SAMHD1: variants seen among roughly 807,000 people sequenced by gnomAD.
The protein encoded by SAMHD1 is SAM and HD domain containing deoxynucleoside triphosphate triphosphohydrolase 1, also known as deoxynucleoside triphosphate triphosphohydrolase SAMHD1.
In SAMHD1, 54 loss-of-function variants were observed where a neutral mutation model predicts 79.6. The observed-to-expected ratio is 0.68, with a 90% CI of 0.55 to 0.85. The LOEUF (loss-of-function observed/expected upper bound fraction) is 0.85, where lower values mean the gene tolerates loss of function less well. Among genes scored for constraint, SAMHD1 ranks in the 40% least tolerant of loss-of-function variants. The probability of loss-of-function intolerance (pLI) is 0.00; values close to 1 mark genes in which losing one functional copy is unlikely to be tolerated. For missense variants in SAMHD1, 663 were observed against 782.7 expected (o/e 0.85, Z 1.82); for synonymous variants, 260 against 264.1 (o/e 0.98, Z 0.15).
At chr20:36,936,789 A>C (rs1293865917) in intron 3 of SAMHD1, among the ~76,000 whole-genome samples, 2 of 151,894 alleles carry the variant, frequency 1.3e-5, no homozygotes, top group African/African-American at 2.4e-5. Flanking sequence ...CTCCCACCTC[A>C]GCCTCCCAAG....
intron 11 of SAMHD1, among the ~76,000 whole-genome samples, chr20:36,907,539 C>CTTTTT (rs71186087): frequency 2.4e-5 from 3 of 125,860 alleles, no homozygotes; most frequent in African/African-American, 6.0e-5. Flanking sequence ...ATAAAGATGA[C>CTTTTT]TTTTTTTTTT....
chr20:36,914,737 C>T (rs773177493), intron 9 of SAMHD1, among the ~76,000 whole-genome samples: 4 of 151,170 alleles, frequency 2.6e-5, no homozygotes, highest in Non-Finnish European at 5.9e-5. Context: ...TGGGGCGTGG[C>T]GGCTCACACA....
At chr20:36,896,847 GAATT>G (rs948160242) in intron 15 of SAMHD1, among the ~76,000 whole-genome samples, 17 of 145,828 alleles carry the variant, frequency 1.2e-4, no homozygotes, top group African/African-American at 2.3e-4. Flanking sequence ...AAAAATGAAT[GAATT>G]AATTAATTAA....
chr20:36,898,805 G>T (rs1046489922), intron 13 of SAMHD1, among the ~76,000 whole-genome samples: 1 of 151,576 alleles, frequency 6.6e-6, no homozygotes, highest in African/African-American at 2.4e-5. Flanking sequence ...CCAGTTACTC[G>T]GGAGACTGAG....
intron 12 of SAMHD1, chr20:36,904,876 A>T (rs191416782): frequency 5.5e-6 from 1 of 182,256 alleles, no homozygotes; most frequent in African/African-American, 2.4e-5. Context: ...GCAAACAGAA[A>T]ACTCTTCAAC....
chr20:36,921,392 C>CAAAA (rs34384942), intron 6 of SAMHD1, among the ~76,000 whole-genome samples: 41 of 54,966 alleles, frequency 7.5e-4, no homozygotes, highest in East Asian at 2.3e-3. Flanking sequence ...GACTCTGTCT[C>CAAAA]AAAAAAAAAA....
chr20:36,933,744 G>T (rs1182670753), intron 4 of SAMHD1, among the ~76,000 whole-genome samples: 5 of 151,988 alleles, frequency 3.3e-5, no homozygotes, highest in Non-Finnish European at 7.4e-5. Flanking sequence ...GCCTGCCCCG[G>T]CCTCCCAAAG....
At chr20:36,924,456 G>C (rs2063525177) in intron 6 of SAMHD1, among the ~76,000 whole-genome samples, 1 of 152,082 alleles carries the variant, frequency 6.6e-6, no homozygotes, top group Non-Finnish European at 1.5e-5. Context: ...AAATCAGGAG[G>C]AGGAGGTGAT....
At chr20:36,908,742 G>A (rs2063419819) in intron 11 of SAMHD1, among the ~76,000 whole-genome samples, 1 of 152,080 alleles carries the variant, frequency 6.6e-6, no homozygotes, top group Non-Finnish European at 1.5e-5. Flanking sequence ...CAGTTTAGGA[G>A]GAGCTAGTTT....
rs752442185 is a variant in SAMHD1, at chr20:36,935,138, G to C, written c.400C>G (p.Arg134Gly). Residue 134 changes from arginine (R) to glycine (G), a missense_variant, in exon 4 of 16, where the codon CGA becomes GGA. Arg to Gly is a moderately radical substitution (Grantham distance 125, BLOSUM62 -2). Transcript: ENST00000646673. ...GHIELHPLLV[R>G]IIDTPQFQRL... ...TGAAATTGAGGTGTATCAATGATTCGGACGAGGAGAGGGTGGAGCTCAATG... is the reference window on the plus strand; with the variant it reads ...TGAAATTGAGGTGTATCAATGATTCCGACGAGGAGAGGGTGGAGCTCAATG... 1.9e-6 allele frequency: 3 copies of C among 1,613,680 alleles called. No individual in the cohort carries two copies. Among genetic ancestry groups the C allele is most frequent in the Non-Finnish European group, 2.5e-6 (3 of 1,179,610 alleles).
At chr20:36,931,883 G>T (rs1485572431) in intron 4 of SAMHD1, among the ~76,000 whole-genome samples, 1 of 152,048 alleles carries the variant, frequency 6.6e-6, no homozygotes, top group African/African-American at 2.4e-5. Flanking sequence ...CAACATAGAT[G>T]AACTTTGAGG....
chr20:36,920,540 G>A (rs1407798784), intron 6 of SAMHD1, among the ~76,000 whole-genome samples: 1 of 151,842 alleles, frequency 6.6e-6, no homozygotes, highest in African/African-American at 2.4e-5. Context: ...GCCGAGGTGG[G>A]CGGATCACTT....
At chr20:36,913,582 GACAGAGCAAGACT>G (rs1472769596) in intron 9 of SAMHD1, among the ~76,000 whole-genome samples, 3 of 148,526 alleles carry the variant, frequency 2.0e-5, no homozygotes, top group Admixed American at 1.3e-4. Context: ...CAGTCTGGGT[GACAGAGCAAGACT>G]CCAACTCAAA....
In SAMHD1 at chr20:36,891,617, G is replaced by T. The variant is rs770194723; in HGVS notation, c.*1315C>A. The T allele has an allele frequency of 6.6e-6, 1 of 152,288 alleles. No individual in the cohort carries two copies. The highest frequency in any genetic ancestry group is 1.5e-5 in the Non-Finnish European group (1 of 68,084). 9.4% of individuals were successfully genotyped at this position (152,288 alleles called of 1,614,324 possible). A position where few individuals can be genotyped will look rare whatever the true frequency, so the allele number is the denominator to read the frequency against. On this transcript the variant is annotated 3_prime_UTR_variant, in exon 16 of 16. Coordinates refer to ENST00000646673, the MANE Select transcript of SAMHD1 (RefSeq NM_015474.4). ...AAGGTGGTGCCCACTCCACTGCTGG[G>T]AAAACGAAGTTACCTAGCGGAGCCT...
rs377148041 is a variant in SAMHD1 at position 36,921,699 on chromosome 20, GGTT to G, written c.697-2183_697-2181del. On this transcript the variant is annotated intron_variant, in intron 6 of 15. Transcript: ENST00000646673. ...CCACCACACCCAGCTAATTTTTTGT[GGTT>G]GTTTTTTTTTTTTTTCCCTCTTGTT... Among the ~76,000 whole-genome samples, 31 of 149,458 alleles carry G rather than the reference GGTT, an allele frequency of 2.1e-4. No individual in the cohort carries two copies. In the East Asian group the frequency reaches 3.5e-3, roughly 17 times the overall value.
Position 36,892,900 on chromosome 20 carries a change from G to A in SAMHD1, c.*32C>T. On this transcript the variant is annotated 3_prime_UTR_variant, in exon 16 of 16. Transcript: ENST00000646673. ...AAGCCTCTAAATGAATTGTGCAGGAGAGGGAGTTTGTAAACAACTGACTAC... is the reference window on the plus strand; with the variant it reads ...AAGCCTCTAAATGAATTGTGCAGGAAAGGGAGTTTGTAAACAACTGACTAC... 6.2e-7 allele frequency: 1 copy of A among 1,613,376 alleles called. No homozygotes were observed. The highest frequency in any genetic ancestry group is 8.5e-7 in the Non-Finnish European group (1 of 1,179,372).
At chr20:36,944,470 T>C (rs1466138533) in intron 2 of SAMHD1, among the ~76,000 whole-genome samples, 1 of 152,218 alleles carries the variant, frequency 6.6e-6, no homozygotes, top group Non-Finnish European at 1.5e-5. Flanking sequence ...CAGGAAGTAA[T>C]TCAGTATAAT....
At chr20:36,935,597 G>T (rs2063597962) in intron 3 of SAMHD1, among the ~76,000 whole-genome samples, 2 of 147,542 alleles carry the variant, frequency 1.4e-5, no homozygotes, top group South Asian at 2.1e-4. Flanking sequence ...TTGAGACAGA[G>T]TCTCACTGTG....
chr20:36,910,717 G>A (rs1160574944), intron 11 of SAMHD1, among the ~76,000 whole-genome samples: 4 of 145,754 alleles, frequency 2.7e-5, no homozygotes, highest in Non-Finnish European at 5.9e-5. Context: ...GTGACAGAGC[G>A]AGACTCCATC....
Sources: allele counts gnomAD v4.1 joint callset (sites outside exome capture counted in the v4.1 genomes callset), GRCh38; gene constraint gnomAD v4.1.1; transcripts MANE v1.5; gene names NCBI Gene and HGNC (gene_info 2026-07-23, HGNC 2026-07-21).